RGS12: variants seen among roughly 807,000 people sequenced by gnomAD.
The protein encoded by RGS12 is regulator of G-protein signaling 12.
In RGS12, 66 loss-of-function variants were observed where a neutral mutation model predicts 120.1. The ratio of observed to expected loss-of-function variants is 0.55; its 90% CI spans 0.45 to 0.67. The LOEUF (loss-of-function observed/expected upper bound fraction) is 0.67, where lower values mean the gene tolerates loss of function less well. Among genes scored for constraint, RGS12 ranks in the 30% least tolerant of loss-of-function variants. RGS12 has a pLI of 0.00. For missense variants in RGS12, 1,859 were observed against 1,957.7 expected, an observed-to-expected ratio of 0.95 and a Z score of 0.95; for synonymous variants, 827 against 804.7, an observed-to-expected ratio of 1.03 and a Z score of -0.47.
intron 1 of RGS12, among the ~76,000 whole-genome samples, chr4:3,307,653 G>T (rs146979707): frequency 6.6e-6 from 1 of 152,202 alleles, no homozygotes; most frequent in Non-Finnish European, 1.5e-5. Context: ...GCCCTGGGCC[G>T]TGGGTGTGCC....
At chr4:3,367,803 G>T (rs1219502486) in intron 3 of RGS12, among the ~76,000 whole-genome samples, 1 of 152,220 alleles carries the variant, frequency 6.6e-6, no homozygotes. Context: ...AAGAGGAGAT[G>T]GGGGGAGCCT....
chr4:3,358,865 C>T (rs563485608), intron 3 of RGS12, among the ~76,000 whole-genome samples: 32 of 144,376 alleles, frequency 2.2e-4, no homozygotes, highest in East Asian at 1.4e-3. Context: ...TCCCCTCCTC[C>T]GCCTCCCCCT....
At chr4:3,343,147 G>T (rs770075329) in intron 3 of RGS12, 94 bp downstream of exon 3, 33 of 839,366 alleles carry the variant, frequency 3.9e-5, no homozygotes, top group Non-Finnish European at 6.3e-5. Context: ...TTGAGTCCCT[G>T]TGGTCCCCTC....
intron 17 of RGS12, chr4:3,432,108 C>A: frequency 2.0e-6 from 2 of 985,494 alleles, no homozygotes; most frequent in Non-Finnish European, 2.4e-6. Context: ...TGGTGGACAC[C>A]TGTGTGGCTC....
upstream of RGS12, among the ~76,000 whole-genome samples, chr4:3,292,036 A>G (rs1723051201): frequency 6.6e-6 from 1 of 152,214 alleles, no homozygotes; most frequent in African/African-American, 2.4e-5. Flanking sequence ...AAGGCAGGTG[A>G]CAGGAAAGAA....
chr4:3,432,073 G>A (rs1416144217), intron 17 of RGS12: 5 of 985,298 alleles, frequency 5.1e-6, no homozygotes, highest in Non-Finnish European at 4.8e-6. Flanking sequence ...CTCCACCCCT[G>A]GCCTGAGTCC....
At chr4:3,431,229 G>A in intron 17 of RGS12, 2 of 1,322,168 alleles carry the variant, frequency 1.5e-6, no homozygotes, top group Non-Finnish European at 1.9e-6. Flanking sequence ...ACGTGGCAGT[G>A]CCTGCAGCGA....
In RGS12 at chr4:3,296,059, C is replaced by A. The variant is rs561374280; in HGVS notation, c.-102+2960C>A. On this transcript the variant is annotated intron_variant, in intron 1 of 17. Transcript: ENST00000336727. ...GAGGCTGGAGGAGAGCCGTTCACCC[C>A]CCTGGTCAGCTTCTGGGGGCTGGAG... Among the ~76,000 whole-genome samples, 187 of 149,028 alleles carry A rather than the reference C, an allele frequency of 1.3e-3. 2 individuals carry two copies. The Middle Eastern group carries it at 0.027, about 22-fold the overall frequency.
At chr4:3,373,981 G>A (rs1717346048) in intron 3 of RGS12, among the ~76,000 whole-genome samples, 1 of 152,216 alleles carries the variant, frequency 6.6e-6, no homozygotes, top group Non-Finnish European at 1.5e-5. Context: ...ATGTTACATA[G>A]TCAGAGGTGT....
At chr4:3,327,937 C>T (rs1458945437) in intron 2 of RGS12, among the ~76,000 whole-genome samples, 2 of 152,238 alleles carry the variant, frequency 1.3e-5, no homozygotes, top group African/African-American at 4.8e-5. Context: ...GATACCTGCA[C>T]TCTTCTGTTT....
At chr4:3,417,137 C>A in intron 8 of RGS12, 45 bp downstream of exon 8, 1 of 1,532,636 alleles carries the variant, frequency 6.5e-7, no homozygotes, top group South Asian at 1.2e-5. Context: ...GGTTGTGTGT[C>A]ATCAGCTGAG....
chr4:3,424,198 T>G (rs971681249), intron 13 of RGS12, among the ~76,000 whole-genome samples: 1 of 152,266 alleles, frequency 6.6e-6, no homozygotes, highest in South Asian at 2.1e-4. Context: ...TGGCGAGAGC[T>G]GGGCCCCGCT....
rs1419463122 is a variant in RGS12, at chr4:3,372,027, G to C, written c.1999-14389G>C. On this transcript the variant is annotated intron_variant, in intron 3 of 17. Transcript: ENST00000336727. This position sits in a 1 kb window ranked among gnomAD's most constrained non-coding sequence, Gnocchi z 4.3. ...GTCGATGCCTGGTTCCCTGGCTTTG[G>C]CAGGCCGGGAAGATGCCCGTGCCTG... Among the ~76,000 whole-genome samples the C allele has an allele frequency of 6.6e-6, 1 of 152,142 alleles. No homozygotes were observed. The highest frequency in any genetic ancestry group is 1.5e-5 in the Non-Finnish European group (1 of 68,024).
chr4:3,338,845 T>C (rs1288130686), intron 2 of RGS12, among the ~76,000 whole-genome samples: 1 of 152,198 alleles, frequency 6.6e-6, no homozygotes, highest in Non-Finnish European at 1.5e-5. Context: ...TTTAGTACTC[T>C]TTGGGGAAGA....
chr4:3,397,554 G>C (rs1720162790), intron 4 of RGS12, among the ~76,000 whole-genome samples: 1 of 152,192 alleles, frequency 6.6e-6, no homozygotes, highest in Non-Finnish European at 1.5e-5. Context: ...CTAACCTCAG[G>C]GTTTTGCCTC....
chr4:3,417,129 TTG>T, intron 8 of RGS12, 37 bp downstream of exon 8: 9 of 1,546,096 alleles, frequency 5.8e-6, no homozygotes, highest in Non-Finnish European at 6.1e-6. Context: ...CCCCTGTGGG[TTG>T]TGTGTCATCA....
At position 3,316,619 on chromosome 4, in the gene RGS12, T is replaced by G. The variant is rs1724774746; in HGVS notation, c.449T>G (p.Ile150Ser). ...CAGTCTGGTGGAATTTTCAATATGA[T>G]TTTTGAAAACCCGAGCCTTTGTGCG... The part of the protein sequence containing the change: ...EMQSGGIFNM[I>S]FENPSLCASN... Residue 150 changes from isoleucine to serine, a missense_variant, in exon 2 of 18, where the codon ATT becomes AGT. Around this residue, in one of 3 missense-constraint regions of RGS12, gnomAD observed 967 missense variants for 994.2 expected, o/e 0.97. Transcript: ENST00000336727. 1 of 1,614,104 alleles carries G rather than the reference T, an allele frequency of 6.2e-7. No individual in the cohort carries two copies. The highest frequency in any genetic ancestry group is 2.2e-5 in the East Asian group (1 of 44,878).
intron 16 of RGS12, among the ~76,000 whole-genome samples, chr4:3,429,448 A>C (rs1577101396): frequency 6.6e-6 from 1 of 151,710 alleles, no homozygotes; most frequent in African/African-American, 2.4e-5. Context: ...ACTAAAACAC[A>C]CCTCCAGCCT....
rs371590435 is a variant in RGS12, at chr4:3,428,188, C to T, written c.3411+19C>T. 32 of 1,607,022 alleles carry T rather than the reference C, an allele frequency of 2.0e-5. No individual in the cohort carries two copies. Among genetic ancestry groups the T allele is most frequent in the Non-Finnish European group, 2.6e-5 (31 of 1,174,116 alleles). The stretch of plus-strand genomic sequence containing the variant: ...GGCTACGGTAATTCCCCACCCTGGC[C>T]CACCCTGTGCCCTGCTCCTCTCGCT... On this transcript the variant is annotated intron_variant, in intron 15 of 17. Coordinates refer to ENST00000336727, the MANE Select transcript of RGS12 (RefSeq NM_001394154.1).
Sources: allele counts gnomAD v4.1 joint callset (sites outside exome capture counted in the v4.1 genomes callset), GRCh38; gene constraint gnomAD v4.1.1; regional missense constraint gnomAD v4.1.1; non-coding constraint Gnocchi (gnomAD v3.1); transcripts MANE v1.5; gene names NCBI Gene and HGNC (gene_info 2026-07-23, HGNC 2026-07-21).